LRRTM4: variants seen among roughly 807,000 people sequenced by gnomAD.
The protein encoded by LRRTM4 is leucine rich repeat transmembrane neuronal 4.
LRRTM4 carries 25 observed loss-of-function variants against 47.6 expected under a neutral mutation model. The observed-to-expected ratio is 0.53, with a 90% CI of 0.38 to 0.73. The LOEUF (loss-of-function observed/expected upper bound fraction) is 0.73, where lower values mean the gene tolerates loss of function less well. Ranked by LOEUF, LRRTM4 falls within the 30% of genes least tolerant of loss-of-function variation. The pLI is 0.00. For missense variants in LRRTM4, 638 were observed against 713.4 expected, an observed-to-expected ratio of 0.89 and a Z score of 1.20; for synonymous variants, 311 against 269.5, an observed-to-expected ratio of 1.15 and a Z score of -1.51.
chr2:77,248,874 T>C (rs1675523553), intron 3 of LRRTM4, among the ~76,000 whole-genome samples: 1 of 152,182 alleles, frequency 6.6e-6, no homozygotes, highest in Admixed American at 6.6e-5. Flanking sequence ...AGAGACTTTA[T>C]ACTCTTTACA....
At chr2:77,242,535 C>G (rs1187912141) in intron 3 of LRRTM4, among the ~76,000 whole-genome samples, 2 of 151,782 alleles carry the variant, frequency 1.3e-5, no homozygotes, top group African/African-American at 4.8e-5. Flanking sequence ...AAAATACATA[C>G]AAATGACCAA....
chr2:77,004,846 G>A (rs909541218), intron 3 of LRRTM4, among the ~76,000 whole-genome samples: 2 of 152,158 alleles, frequency 1.3e-5, no homozygotes, highest in Non-Finnish European at 1.5e-5. Flanking sequence ...ACCTAGATGT[G>A]AAACATGGAG....
chr2:76,897,566 G>T (rs926003073), intron 3 of LRRTM4, among the ~76,000 whole-genome samples: 9 of 152,116 alleles, frequency 5.9e-5, no homozygotes, highest in African/African-American at 2.2e-4. Context: ...AAAGAGAAAA[G>T]GAGTAAGAAG....
chr2:77,496,126 A>G (rs1313297882), intron 3 of LRRTM4, among the ~76,000 whole-genome samples: 1 of 151,906 alleles, frequency 6.6e-6, no homozygotes, highest in Non-Finnish European at 1.5e-5. Context: ...CTATGAATGG[A>G]ATGTTTTTAT....
chr2:77,397,039 C>G (rs763185087), intron 3 of LRRTM4, among the ~76,000 whole-genome samples: 1 of 151,820 alleles, frequency 6.6e-6, no homozygotes, highest in African/African-American at 2.4e-5. Flanking sequence ...CAGATGTTTA[C>G]TAAGTGTAAA....
chr2:76,942,522 C>A, intron 3 of LRRTM4, among the ~76,000 whole-genome samples: 2 of 140,734 alleles, frequency 1.4e-5, no homozygotes, highest in Admixed American at 1.5e-4. Context: ...TAAAAACATT[C>A]TCAGAGTTTC....
chr2:77,484,757 G>T (rs1677846139), intron 3 of LRRTM4, among the ~76,000 whole-genome samples: 1 of 151,952 alleles, frequency 6.6e-6, no homozygotes, highest in Admixed American at 6.6e-5. Flanking sequence ...GTTTAAAAAA[G>T]TTTTCAGGTT....
intron 3 of LRRTM4, among the ~76,000 whole-genome samples, chr2:77,064,791 G>A (rs940711830): frequency 1.8e-4 from 27 of 152,010 alleles, no homozygotes; most frequent in African/African-American, 4.3e-4. Context: ...CAGATTGGGG[G>A]GACTTTTGGA....
intron 3 of LRRTM4, among the ~76,000 whole-genome samples, chr2:77,072,800 CAAAAA>C (rs373786120): frequency 1.3e-5 from 1 of 78,742 alleles, no homozygotes; most frequent in Admixed American, 1.8e-4. Context: ...CTCCGTCTTC[CAAAAA>C]AAAAAAAAAA....
intron 3 of LRRTM4, among the ~76,000 whole-genome samples, chr2:77,398,724 C>G (rs1673805916): frequency 6.6e-6 from 1 of 151,708 alleles, no homozygotes; most frequent in Non-Finnish European, 1.5e-5. Context: ...TGAGAATGAC[C>G]CCGTATGGCA....
chr2:77,043,789 T>A (rs955286396), intron 3 of LRRTM4, among the ~76,000 whole-genome samples: 4 of 151,788 alleles, frequency 2.6e-5, no homozygotes, highest in African/African-American at 9.7e-5. Context: ...AATGAAGGAT[T>A]TCTACTGGAA....
chr2:77,381,722 T>G (rs1341813869), intron 3 of LRRTM4, among the ~76,000 whole-genome samples: 1 of 152,206 alleles, frequency 6.6e-6, no homozygotes, highest in East Asian at 1.9e-4. Flanking sequence ...TTGTAGTAGA[T>G]GATATAGTGA....
At position 76,764,996 on chromosome 2, in the gene LRRTM4, A is replaced by C. The variant is rs558495586; in HGVS notation, c.1552-16080T>G. On this transcript the variant is annotated intron_variant, in intron 3 of 3. Transcript: ENST00000409884. ...GTGGAGCTGTCGCCTAAAGTCATGG[A>C]TGTGGAGTCACCACCCAAGTTGGTC... 2.1e-4 allele frequency among the ~76,000 whole-genome samples: 32 copies of C among 152,282 alleles called. No individual in the cohort carries two copies. In the South Asian group the frequency reaches 6.6e-3, roughly 32 times the overall value.
intron 3 of LRRTM4, among the ~76,000 whole-genome samples, chr2:76,881,530 T>G (rs1018988939): frequency 6.6e-6 from 1 of 151,962 alleles, no homozygotes; most frequent in Non-Finnish European, 1.5e-5. Flanking sequence ...TGTTTCCAGT[T>G]TTTCCTCACA....
Position 76,905,421 on chromosome 2 carries a change from G to A in LRRTM4, c.1552-156505C>T, listed in dbSNP as rs371746739. ...GGGAAAAAACAGAGCAGAAATACTGGAAACTCTAAAAACCAGAGCACCTCT... is the reference window on the plus strand; with the variant it reads ...GGGAAAAAACAGAGCAGAAATACTGAAAACTCTAAAAACCAGAGCACCTCT... On this transcript the variant is annotated intron_variant, in intron 3 of 3. Coordinates refer to ENST00000409884, the MANE Select transcript of LRRTM4 (RefSeq NM_001134745.3). Among the ~76,000 whole-genome samples the A allele has an allele frequency of 9.2e-5, 14 of 152,266 alleles. No individual in the cohort carries two copies. The South Asian group carries it at 2.7e-3, about 29-fold the overall frequency.
At chr2:76,775,295 T>C (rs536595485) in intron 3 of LRRTM4, among the ~76,000 whole-genome samples, 18 of 152,274 alleles carry the variant, frequency 1.2e-4, no homozygotes, top group African/African-American at 3.8e-4. Flanking sequence ...TTCCACAACA[T>C]TGGCAATCCT....
At chr2:77,166,851 C>A (rs906942523) in intron 3 of LRRTM4, among the ~76,000 whole-genome samples, 3 of 152,090 alleles carry the variant, frequency 2.0e-5, no homozygotes, top group Non-Finnish European at 2.9e-5. Context: ...ACCATAAAAA[C>A]CCTAGAAGAA....
chr2:76,952,048 T>G (rs886562219), intron 3 of LRRTM4, among the ~76,000 whole-genome samples: 1 of 152,006 alleles, frequency 6.6e-6, no homozygotes, highest in Non-Finnish European at 1.5e-5. Flanking sequence ...TTTGGGTTGG[T>G]TCCAAGTCTT....
chr2:76,873,388 A>C (rs145872221), intron 3 of LRRTM4, among the ~76,000 whole-genome samples: 542 of 151,136 alleles, frequency 3.6e-3, no homozygotes, highest in South Asian at 5.7e-3. Flanking sequence ...ACATTATATA[A>C]ATATATAGTC....
Sources: gnomAD v4.1 joint callset for allele counts (sites outside exome capture counted in the v4.1 genomes callset) on GRCh38, gnomAD v4.1.1 for gene constraint, MANE v1.5 for transcripts, NCBI Gene and HGNC (gene_info 2026-07-23, HGNC 2026-07-21) for gene names.